Variants in ST6GALNAC5 observed in about 807,000 individuals in gnomAD.
The protein encoded by ST6GALNAC5 is ST6 N-acetylgalactosaminide alpha-2,6-sialyltransferase 5.
ST6GALNAC5 carries 27 observed loss-of-function variants against 33.6 expected under a neutral mutation model. That is an observed-to-expected ratio of 0.80 (90% CI 0.59 to 1.11). The LOEUF (loss-of-function observed/expected upper bound fraction) is 1.11. Among genes scored for constraint, ST6GALNAC5 ranks in the 50% least tolerant of loss-of-function variants. The pLI, the probability that ST6GALNAC5 is intolerant of heterozygous loss-of-function variation, is 0.00. For missense variants in ST6GALNAC5, 428 were observed against 454.0 expected (o/e 0.94, Z 0.52); for synonymous variants, 194 against 171.2 (o/e 1.13, Z -1.04).
chr1:76,887,644 G>A (rs1200179659), intron 2 of ST6GALNAC5, among the ~76,000 whole-genome samples: 3 of 151,988 alleles, frequency 2.0e-5, no homozygotes, highest in Admixed American at 1.3e-4. Context: ...AATTACAAAG[G>A]CCTCATCTGA....
Position 77,027,536 on chromosome 1 carries a change from G to A in ST6GALNAC5, c.262-16668G>A, listed in dbSNP as rs1398249834. Among the ~76,000 whole-genome samples, 5 of 152,190 alleles carry A rather than the reference G, an allele frequency of 3.3e-5. 1 individual carries two copies. The East Asian group carries it at 9.6e-4, about 29-fold the overall frequency. Reference sequence around the variant, plus strand: ...AGTAATTCAGGGCAGAGATGGTGGAGGGCTGGACTGAGGAGCACAATGGGA... The same window carrying A: ...AGTAATTCAGGGCAGAGATGGTGGAAGGCTGGACTGAGGAGCACAATGGGA... On this transcript the variant is annotated intron_variant, in intron 2 of 4. Coordinates refer to ENST00000477717, the MANE Select transcript of ST6GALNAC5 (RefSeq NM_030965.3).
chr1:76,944,169 G>A (rs979342986), intron 2 of ST6GALNAC5, among the ~76,000 whole-genome samples: 1 of 152,086 alleles, frequency 6.6e-6, no homozygotes, highest in Admixed American at 6.6e-5. Context: ...CAGAAACCTA[G>A]AGGAAAATGT....
chr1:77,060,285 C>T (rs1652533653), intron 4 of ST6GALNAC5: 1 of 152,092 alleles, frequency 6.6e-6, no homozygotes, highest in Admixed American at 6.6e-5. Flanking sequence ...AACTTGAGTA[C>T]CAGAATTCCT....
intron 2 of ST6GALNAC5, among the ~76,000 whole-genome samples, chr1:76,981,162 G>C (rs1449920923): frequency 6.6e-6 from 1 of 152,196 alleles, no homozygotes; most frequent in African/African-American, 2.4e-5. Context: ...GCAGCCCAGA[G>C]AGGGCGAGCT....
intron 2 of ST6GALNAC5, among the ~76,000 whole-genome samples, chr1:76,870,673 G>T (rs1557704268): frequency 6.6e-6 from 1 of 152,166 alleles, no homozygotes; most frequent in Non-Finnish European, 1.5e-5. Context: ...AAATTGAAAT[G>T]ATATGTAGTA....
At chr1:76,914,587 C>G (rs192759476) in intron 2 of ST6GALNAC5, among the ~76,000 whole-genome samples, 24 of 152,106 alleles carry the variant, frequency 1.6e-4, no homozygotes, top group African/African-American at 2.7e-4. Flanking sequence ...ACAAGCAATG[C>G]GGAAAGGATT....
At position 76,962,687 on chromosome 1, in the gene ST6GALNAC5, C is replaced by G. The variant is rs553170640; in HGVS notation, c.262-81517C>G. On this transcript the variant is annotated intron_variant, in intron 2 of 4. Transcript: ENST00000477717. ...TCTCTGTCTAGTGCATGTGCACACACATTTATATTTTAAGAAAAGTATTTT... is the reference window on the plus strand; with the variant it reads ...TCTCTGTCTAGTGCATGTGCACACAGATTTATATTTTAAGAAAAGTATTTT... Among the ~76,000 whole-genome samples the G allele has an allele frequency of 3.9e-4, 59 of 152,254 alleles. No individual in the cohort carries two copies. In the South Asian group the frequency reaches 0.012, roughly 32 times the overall value.
At chr1:77,000,535 C>T (rs1185254788) in intron 2 of ST6GALNAC5, among the ~76,000 whole-genome samples, 21 of 141,208 alleles carry the variant, frequency 1.5e-4, no homozygotes, top group African/African-American at 5.1e-4. Flanking sequence ...GTTGCCATTG[C>T]TTTTGGTGTT....
At chr1:77,012,351 A>C (rs1650665454) in intron 2 of ST6GALNAC5, among the ~76,000 whole-genome samples, 1 of 152,246 alleles carries the variant, frequency 6.6e-6, no homozygotes, top group African/African-American at 2.4e-5. Flanking sequence ...TGACATGAGT[A>C]TGGAATCCAC....
At chr1:76,880,824 C>T (rs988065605) in intron 2 of ST6GALNAC5, among the ~76,000 whole-genome samples, 27 of 152,170 alleles carry the variant, frequency 1.8e-4, no homozygotes, top group African/African-American at 6.5e-4. Flanking sequence ...CACACTCATG[C>T]TATGGTGAAT....
chr1:76,880,940 G>A (rs1205052324), intron 2 of ST6GALNAC5, among the ~76,000 whole-genome samples: 2 of 152,210 alleles, frequency 1.3e-5, no homozygotes, highest in Non-Finnish European at 2.9e-5. Context: ...GTAGGGTGAA[G>A]TGTCAGTACA....
intron 2 of ST6GALNAC5, among the ~76,000 whole-genome samples, chr1:76,980,739 T>C (rs1649215530): frequency 6.6e-6 from 1 of 152,116 alleles, no homozygotes; most frequent in Non-Finnish European, 1.5e-5. Context: ...ATCAAAGAGC[T>C]AAATGTAAGA....
Position 76,992,591 on chromosome 1 carries a change from C to A in ST6GALNAC5, c.262-51613C>A, listed in dbSNP as rs141136294. Among the ~76,000 whole-genome samples the A allele has an allele frequency of 4.2e-4, 64 of 152,288 alleles. 2 individuals carry two copies. In the East Asian group the frequency reaches 0.012, roughly 29 times the overall value. Reference sequence around the variant, plus strand: ...CTCACTGCAACCTCTGCCTCCCAGGCTCAAGCTGTCCTGCCACCTCAGCCT... The same window carrying A: ...CTCACTGCAACCTCTGCCTCCCAGGATCAAGCTGTCCTGCCACCTCAGCCT... On this transcript the variant is annotated intron_variant, in intron 2 of 4. Coordinates refer to ENST00000477717, the MANE Select transcript of ST6GALNAC5 (RefSeq NM_030965.3).
intron 3 of ST6GALNAC5, among the ~76,000 whole-genome samples, chr1:77,047,739 G>A (rs1652064516): frequency 1.3e-5 from 2 of 152,196 alleles, no homozygotes; most frequent in African/African-American, 4.8e-5. Context: ...TGAAATAACT[G>A]CAGGAAGAAT....
At chr1:77,015,851 CCAAAATA>C (rs1434677602) in intron 2 of ST6GALNAC5, among the ~76,000 whole-genome samples, 2 of 151,894 alleles carry the variant, frequency 1.3e-5, no homozygotes, top group Admixed American at 6.5e-5. Flanking sequence ...AGGTTAGAGG[CCAAAATA>C]CAAGGAGGAA....
chr1:77,029,150 A>G (rs957230580), intron 2 of ST6GALNAC5, among the ~76,000 whole-genome samples: 5 of 152,206 alleles, frequency 3.3e-5, no homozygotes, highest in Admixed American at 3.3e-4. Context: ...TTGGAGTGAC[A>G]TGATCAGAAC....
chr1:76,982,723 A>C (rs1456293300), intron 2 of ST6GALNAC5, among the ~76,000 whole-genome samples: 1 of 152,226 alleles, frequency 6.6e-6, no homozygotes, highest in Non-Finnish European at 1.5e-5. Flanking sequence ...AGATTCAACA[A>C]GGTTGAAATG....
chr1:76,949,224 T>C (rs1234641954), intron 2 of ST6GALNAC5, among the ~76,000 whole-genome samples: 1 of 152,156 alleles, frequency 6.6e-6, no homozygotes. Context: ...AGCTTTGCTC[T>C]TCTCATGAGT....
chr1:77,066,074 G>A lies in ST6GALNAC5; in HGVS notation c.*2868G>A, dbSNP rs1252458955. Among the ~76,000 whole-genome samples, 2 of 152,138 alleles carry A rather than the reference G, an allele frequency of 1.3e-5. No individual in the cohort carries two copies. Among genetic ancestry groups the A allele is most frequent in the Non-Finnish European group, 2.9e-5 (2 of 68,026 alleles). ...AGCATACATTAAAAGAACATTAGGA[G>A]GTAAATATTCAGCATGCTGCATGGA... On this transcript the variant is annotated 3_prime_UTR_variant, in exon 5 of 5. Coordinates refer to ENST00000477717, the MANE Select transcript of ST6GALNAC5 (RefSeq NM_030965.3).
Sources: allele counts gnomAD v4.1 joint callset (sites outside exome capture counted in the v4.1 genomes callset), GRCh38; gene constraint gnomAD v4.1.1; transcripts MANE v1.5; gene names NCBI Gene and HGNC (gene_info 2026-07-23, HGNC 2026-07-21).